The following ZBTB20 variants were observed in gnomAD, a reference collection of about 807,000 sequenced individuals.
ZBTB20 encodes zinc finger and BTB domain-containing protein 20.
Under a neutral mutation model 56.9 loss-of-function variants are expected in ZBTB20, and 9 were observed. The observed-to-expected ratio is 0.16, with a 90% CI of 0.10 to 0.28. The LOEUF (loss-of-function observed/expected upper bound fraction) is 0.28. ZBTB20 is among the 10% of genes least tolerant of loss of function. ZBTB20 has a pLI of 1.00. For synonymous variants in ZBTB20, 417 were observed against 420.7 expected (o/e 0.99, Z 0.11); for missense variants, 655 against 1,003.0 (o/e 0.65, Z 4.69).
intron 4 of ZBTB20, among the ~76,000 whole-genome samples, chr3:114,884,527 T>C (rs1576222764): frequency 1.3e-5 from 2 of 152,126 alleles, no homozygotes; most frequent in South Asian, 4.1e-4. Flanking sequence ...ATTAGACACA[T>C]TAAACTAAGG....
chr3:115,042,069 C>A (rs1419922379), intron 2 of ZBTB20, among the ~76,000 whole-genome samples: 3 of 152,012 alleles, frequency 2.0e-5, no homozygotes, highest in African/African-American at 7.2e-5. Flanking sequence ...GTTGTTGATA[C>A]TCTCCACCAA....
chr3:115,118,329 C>T (rs1254700381), intron 1 of ZBTB20, among the ~76,000 whole-genome samples: 1 of 152,116 alleles, frequency 6.6e-6, no homozygotes, highest in Non-Finnish European at 1.5e-5. Flanking sequence ...TGCAGAGTGG[C>T]TGGAACTACA....
At chr3:114,677,528 T>C (rs1189416234) in intron 6 of ZBTB20, among the ~76,000 whole-genome samples, 1 of 152,168 alleles carries the variant, frequency 6.6e-6, no homozygotes, top group Non-Finnish European at 1.5e-5. Flanking sequence ...TAATGCCTGA[T>C]GATCTGAGGT....
chr3:114,753,862 A>T (rs1343866921), intron 5 of ZBTB20, among the ~76,000 whole-genome samples: 1 of 152,210 alleles, frequency 6.6e-6, no homozygotes, highest in Non-Finnish European at 1.5e-5. Context: ...ATGGCATTAC[A>T]TCCTCAATAA....
chr3:114,630,017 G>A (rs1180679115), intron 6 of ZBTB20, among the ~76,000 whole-genome samples: 1 of 152,154 alleles, frequency 6.6e-6, no homozygotes, highest in African/African-American at 2.4e-5. Flanking sequence ...GTGTGTGCCT[G>A]CAGTCCCAGC....
intron 2 of ZBTB20, among the ~76,000 whole-genome samples, chr3:115,033,499 C>A (rs1011695059): frequency 1.3e-5 from 2 of 151,508 alleles, no homozygotes; most frequent in African/African-American, 4.8e-5. Context: ...ACCACATGAT[C>A]CAGCAATCCC....
intron 11 of ZBTB20, 68 bp downstream of exon 11, chr3:114,350,206 C>G: frequency 1.3e-6 from 2 of 1,534,316 alleles, no homozygotes; most frequent in South Asian, 2.6e-5. Flanking sequence ...TCTACCTGCT[C>G]TCTTACCTTG....
chr3:114,543,664 A>C (rs1428613396), intron 6 of ZBTB20, among the ~76,000 whole-genome samples: 2 of 152,230 alleles, frequency 1.3e-5, no homozygotes, highest in Non-Finnish European at 2.9e-5. Context: ...TTCCATACTC[A>C]AAGATTTATA....
chr3:114,883,666 G>C (rs1051148049), intron 4 of ZBTB20, among the ~76,000 whole-genome samples: 12 of 151,814 alleles, frequency 7.9e-5, no homozygotes, highest in Admixed American at 7.2e-4. Context: ...TATAATAATG[G>C]CCTTCTTCCA....
chr3:114,506,423 G>T (rs1317693614), intron 6 of ZBTB20, among the ~76,000 whole-genome samples: 1 of 152,060 alleles, frequency 6.6e-6, no homozygotes, highest in African/African-American at 2.4e-5. Flanking sequence ...TGATTCTTAC[G>T]GGGATAGGGT....
chr3:115,115,549 G>A (rs1397741726), intron 1 of ZBTB20, among the ~76,000 whole-genome samples: 1 of 151,954 alleles, frequency 6.6e-6, no homozygotes, highest in African/African-American at 2.4e-5. Context: ...TTCAATACTT[G>A]TTTTTGCAAA....
intron 5 of ZBTB20, among the ~76,000 whole-genome samples, chr3:114,711,698 G>A (rs1380116742): frequency 6.6e-6 from 1 of 152,150 alleles, no homozygotes; most frequent in Non-Finnish European, 1.5e-5. Flanking sequence ...CCTCAATCTG[G>A]AGAGGAGTGA....
At chr3:114,980,674 T>C (rs1334758659) in intron 2 of ZBTB20, among the ~76,000 whole-genome samples, 1 of 151,896 alleles carries the variant, frequency 6.6e-6, no homozygotes, top group Non-Finnish European at 1.5e-5. Flanking sequence ...TTCCTGAGTA[T>C]ACCATAAGAA....
intron 7 of ZBTB20, among the ~76,000 whole-genome samples, chr3:114,427,040 G>T (rs2089736938): frequency 6.6e-6 from 1 of 152,116 alleles, no homozygotes; most frequent in Non-Finnish European, 1.5e-5. Flanking sequence ...CACATGATAG[G>T]TATCACTAAA....
intron 4 of ZBTB20, among the ~76,000 whole-genome samples, chr3:114,856,146 G>A (rs926762473): frequency 2.0e-5 from 3 of 152,124 alleles, no homozygotes; most frequent in African/African-American, 7.2e-5. Flanking sequence ...ATTACTAAGT[G>A]ACGTCTAAGA....
intron 6 of ZBTB20, among the ~76,000 whole-genome samples, chr3:114,669,140 G>A (rs916020167): frequency 6.6e-6 from 1 of 152,028 alleles, no homozygotes; most frequent in African/African-American, 2.4e-5. Flanking sequence ...CAAACTGAGG[G>A]GTGCTCCAAT....
chr3:114,779,567 A>G (rs1239990073), intron 5 of ZBTB20, among the ~76,000 whole-genome samples: 1 of 152,188 alleles, frequency 6.6e-6, no homozygotes, highest in Non-Finnish European at 1.5e-5. Context: ...GATAAAATAT[A>G]AAATAATTTT....
intron 7 of ZBTB20, among the ~76,000 whole-genome samples, chr3:114,409,365 C>T (rs1276948828): frequency 1.3e-5 from 2 of 152,002 alleles, no homozygotes; most frequent in African/African-American, 2.4e-5. Context: ...AATTTTCTAT[C>T]TTCCTTTTTT....
At chr3:114,930,113 C>CAACA (rs2076301203) in intron 3 of ZBTB20, among the ~76,000 whole-genome samples, 1 of 151,930 alleles carries the variant, frequency 6.6e-6, no homozygotes, top group East Asian at 1.9e-4. Context: ...AACAAACAAA[C>CAACA]AACAAACAAA....
Sources: allele counts gnomAD v4.1 joint callset (sites outside exome capture counted in the v4.1 genomes callset), GRCh38; gene constraint gnomAD v4.1.1; transcripts MANE v1.5; gene names NCBI Gene and HGNC (gene_info 2026-07-23, HGNC 2026-07-21).